DSCAM: variants seen among roughly 807,000 people sequenced by gnomAD.
DSCAM encodes DS cell adhesion molecule.
DSCAM carries 47 observed loss-of-function variants against 217.7 expected under a neutral mutation model. The observed-to-expected ratio is 0.22, with a 90% CI of 0.17 to 0.28. The LOEUF (loss-of-function observed/expected upper bound fraction) is 0.28. Among genes scored for constraint, DSCAM ranks in the 10% least tolerant of loss-of-function variants. The pLI, the probability that DSCAM is intolerant of heterozygous loss-of-function variation, is 1.00. For missense variants in DSCAM, 2,080 were observed against 2,618.3 expected (o/e 0.79, Z 4.49); for synonymous variants, 1,056 against 1,015.3 (o/e 1.04, Z -0.76).
At chr21:40,069,662 G>C (rs189758332) in intron 27 of DSCAM, among the ~76,000 whole-genome samples, 1 of 152,236 alleles carries the variant, frequency 6.6e-6, no homozygotes, top group African/African-American at 2.4e-5. Flanking sequence ...ACTTTCTGAG[G>C]GTGGCAGATT....
At chr21:40,574,581 T>C (rs1049816993) in intron 3 of DSCAM, among the ~76,000 whole-genome samples, 26 of 152,340 alleles carry the variant, frequency 1.7e-4, no homozygotes, top group African/African-American at 6.3e-4. Flanking sequence ...TATTCACTCA[T>C]CACTTTTAGT....
In DSCAM at chr21:40,210,224, C is replaced by G. The variant is rs144904328; in HGVS notation, c.2357-20986G>C. ...ATTTCATTCCACCTTCCAGGTTAAACTCACGTCCTACCTCCTCTATGGAGC... is the reference window on the plus strand; with the variant it reads ...ATTTCATTCCACCTTCCAGGTTAAAGTCACGTCCTACCTCCTCTATGGAGC... On this transcript the variant is annotated intron_variant, in intron 11 of 32. Coordinates refer to ENST00000400454, the MANE Select transcript of DSCAM (RefSeq NM_001389.5). Among the ~76,000 whole-genome samples the G allele has an allele frequency of 9.5e-3, 1,442 of 152,314 alleles. 25 individuals are homozygous for G. Among genetic ancestry groups the G allele is most frequent in the African/African-American group, 0.031 (1,295 of 41,570 alleles).
Position 40,251,431 on chromosome 21 carries a change from C to T in DSCAM, c.2356+24666G>A, listed in dbSNP as rs572650932. The stretch of plus-strand genomic sequence containing the variant: ...GAGGGAGGGTTTTTCTCACCATTCC[C>T]GATGTTTCCTTCTACGTAGATCAGA... On this transcript the variant is annotated intron_variant, in intron 11 of 32. Coordinates refer to ENST00000400454, the MANE Select transcript of DSCAM (RefSeq NM_001389.5). 2.6e-3 allele frequency among the ~76,000 whole-genome samples: 395 copies of T among 152,240 alleles called. 1 individual carries two copies. Among genetic ancestry groups the T allele is most frequent in the Non-Finnish European group, 3.5e-3 (241 of 68,020 alleles).
At chr21:40,551,341 T>C (rs998812634) in intron 3 of DSCAM, among the ~76,000 whole-genome samples, 8 of 152,306 alleles carry the variant, frequency 5.3e-5, no homozygotes, top group African/African-American at 1.9e-4. Flanking sequence ...TGGTTGGAAT[T>C]GTCAATTATT....
At chr21:40,488,967 G>T (rs565010298) in intron 3 of DSCAM, among the ~76,000 whole-genome samples, 4 of 152,166 alleles carry the variant, frequency 2.6e-5, no homozygotes, top group Non-Finnish European at 5.9e-5. Flanking sequence ...CAATCCTCAT[G>T]TATAATAGGA....
intron 16 of DSCAM, among the ~76,000 whole-genome samples, chr21:40,146,568 G>A (rs1035390534): frequency 1.3e-5 from 2 of 152,130 alleles, no homozygotes; most frequent in Non-Finnish European, 2.9e-5. Flanking sequence ...TCCAAGAGCA[G>A]TAAAATCATT....
intron 1 of DSCAM, among the ~76,000 whole-genome samples, chr21:40,838,238 A>G (rs909566153): frequency 2.0e-5 from 3 of 152,246 alleles, no homozygotes; most frequent in African/African-American, 4.8e-5. Context: ...GTTCATGCTT[A>G]TGAGAAGAAT....
intron 3 of DSCAM, among the ~76,000 whole-genome samples, chr21:40,656,226 T>A (rs1011014480): frequency 2.6e-5 from 4 of 152,208 alleles, no homozygotes; most frequent in Non-Finnish European, 4.4e-5. Flanking sequence ...TTTCATTTTG[T>A]TCTTTCTACC....
intron 1 of DSCAM, among the ~76,000 whole-genome samples, chr21:40,725,804 G>A (rs1252004381): frequency 2.0e-5 from 3 of 151,680 alleles, no homozygotes; most frequent in African/African-American, 7.3e-5. Context: ...ACCTCAGTGT[G>A]CAGCCATTTA....
chr21:40,354,422 C>T (rs1025234603), intron 4 of DSCAM, among the ~76,000 whole-genome samples: 3 of 152,060 alleles, frequency 2.0e-5, no homozygotes, highest in African/African-American at 7.2e-5. Context: ...GGCTGGAGTG[C>T]AGTGGTGCAA....
At chr21:40,828,633 C>G (rs891204810) in intron 1 of DSCAM, among the ~76,000 whole-genome samples, 2 of 149,936 alleles carry the variant, frequency 1.3e-5, no homozygotes, top group Non-Finnish European at 2.9e-5. Context: ...CATCCTCCCT[C>G]AGGAACCAGG....
At chr21:40,676,586 T>C (rs1485443454) in intron 3 of DSCAM, among the ~76,000 whole-genome samples, 1 of 152,208 alleles carries the variant, frequency 6.6e-6, no homozygotes, top group East Asian at 1.9e-4. Context: ...TTTAAAAATT[T>C]TTTTACTTAG....
At chr21:40,367,262 C>T (rs1248635150) in intron 4 of DSCAM, among the ~76,000 whole-genome samples, 1 of 152,152 alleles carries the variant, frequency 6.6e-6, no homozygotes, top group African/African-American at 2.4e-5. Context: ...TCTGACACTA[C>T]CATAAACCCA....
intron 4 of DSCAM, among the ~76,000 whole-genome samples, chr21:40,355,170 G>A (rs1281842568): frequency 1.3e-5 from 2 of 152,084 alleles, no homozygotes; most frequent in Non-Finnish European, 2.9e-5. Context: ...AGAAAAAGAG[G>A]GCATAACAGA....
chr21:40,753,128 G>C (rs1331142544), intron 1 of DSCAM, among the ~76,000 whole-genome samples: 1 of 152,180 alleles, frequency 6.6e-6, no homozygotes, highest in Non-Finnish European at 1.5e-5. Flanking sequence ...TGTGCTTCTG[G>C]TACCCCAGAG....
intron 30 of DSCAM, among the ~76,000 whole-genome samples, chr21:40,047,871 C>A (rs1427756024): frequency 1.3e-5 from 2 of 152,154 alleles, no homozygotes; most frequent in African/African-American, 4.8e-5. Flanking sequence ...TAACAGAGGG[C>A]ATTTTTTCTT....
chr21:40,709,942 T>G (rs2090760233), intron 1 of DSCAM, among the ~76,000 whole-genome samples: 1 of 152,198 alleles, frequency 6.6e-6, no homozygotes, highest in South Asian at 2.1e-4. Context: ...TTGAACTAAT[T>G]TACACTCCCA....
At chr21:40,548,164 A>G (rs2076599008) in intron 3 of DSCAM, among the ~76,000 whole-genome samples, 1 of 152,218 alleles carries the variant, frequency 6.6e-6, no homozygotes, top group Non-Finnish European at 1.5e-5. Flanking sequence ...CTTTTATAGA[A>G]AAAAGCGCCA....
At chr21:40,421,636 T>C (rs1161893790) in intron 3 of DSCAM, among the ~76,000 whole-genome samples, 1 of 152,234 alleles carries the variant, frequency 6.6e-6, no homozygotes, top group Non-Finnish European at 1.5e-5. Context: ...AGTCTTTGAA[T>C]TTCCGCCATC....
Sources: allele counts gnomAD v4.1 joint callset (sites outside exome capture counted in the v4.1 genomes callset), GRCh38; gene constraint gnomAD v4.1.1; transcripts MANE v1.5; gene names NCBI Gene and HGNC (gene_info 2026-07-23, HGNC 2026-07-21).